KIR3DL2: variants seen among roughly 807,000 people sequenced by gnomAD.
KIR3DL2 encodes killer cell immunoglobulin like receptor, three Ig domains and long cytoplasmic tail 2, also known as killer cell immunoglobulin-like receptor 3DL2.
A neutral mutation model predicts 41.6 loss-of-function variants in KIR3DL2; 42 were observed. That is an observed-to-expected ratio of 1.01 (90% CI 0.79 to 1.31). The LOEUF (loss-of-function observed/expected upper bound fraction) is 1.31, where lower values mean the gene tolerates loss of function less well. Ranked by LOEUF, KIR3DL2 falls within the 50% of genes most tolerant of loss-of-function variation. The pLI is 0.00. For missense variants in KIR3DL2, 728 were observed against 576.8 expected (o/e 1.26, Z -2.68); for synonymous variants, 230 against 221.3 (o/e 1.04, Z -0.35).
chr19:54,860,759 T>C (rs1398530756), intron 6 of KIR3DL2, among the ~76,000 whole-genome samples: 3 of 143,604 alleles, frequency 2.1e-5, no homozygotes, highest in Non-Finnish European at 4.6e-5. Context: ...TTTGTGACAT[T>C]AATGAAAAAC....
intron 3 of KIR3DL2, among the ~76,000 whole-genome samples, chr19:54,852,500 G>T (rs1197709414): frequency 6.6e-6 from 1 of 151,672 alleles, no homozygotes; most frequent in African/African-American, 2.4e-5. Flanking sequence ...TTATGTTATA[G>T]GGCAGGGGAC....
chr19:54,854,489 T>C (rs1269479877), intron 4 of KIR3DL2, among the ~76,000 whole-genome samples: 1 of 151,790 alleles, frequency 6.6e-6, no homozygotes, highest in Non-Finnish European at 1.5e-5. Context: ...ACAGATGCCA[T>C]GTTTATTCTG....
intron 6 of KIR3DL2, among the ~76,000 whole-genome samples, chr19:54,864,971 T>C (rs1359704820): frequency 6.6e-6 from 1 of 152,122 alleles, no homozygotes; most frequent in Admixed American, 6.5e-5. Flanking sequence ...TTTTGCCCAT[T>C]CAGTATGATA....
At chr19:54,856,528 AG>A (rs2064792870) in intron 5 of KIR3DL2, among the ~76,000 whole-genome samples, 1 of 151,612 alleles carries the variant, frequency 6.6e-6, no homozygotes, top group Non-Finnish European at 1.5e-5. Flanking sequence ...TAAACAGACA[AG>A]AAAAATTAGC....
chr19:54,853,884 T>C lies in KIR3DL2; in HGVS notation c.493T>C (p.Ser165Pro). Residue 165 changes from serine (S) to proline (P), a missense_variant, in exon 4 of 9, where the codon TCA (serine) becomes CCA (proline). Ser to Pro is a moderately conservative substitution (Grantham distance 74). Transcript: ENST00000326321. ...LHREGISEDP[S>P]RLVGQIHDGV... ...CAGAGAGGGGATCTCTGAGGACCCC[T>C]CACGCCTCGTTGGACAGATCCATGA... The C allele has an allele frequency of 6.2e-7, 1 of 1,613,324 alleles. No individual in the cohort carries two copies. Among genetic ancestry groups the C allele is most frequent in the Non-Finnish European group, 8.5e-7 (1 of 1,179,780 alleles).
chr19:54,851,312 A>G, intron 2 of KIR3DL2, 57 bp downstream of exon 2: 1 of 1,569,788 alleles, frequency 6.4e-7, no homozygotes, highest in Non-Finnish European at 8.7e-7. Flanking sequence ...GATTTTTCTG[A>G]AACAGGAGGG....
chr19:54,852,644 G>C (rs913006335), intron 3 of KIR3DL2, among the ~76,000 whole-genome samples: 1 of 151,034 alleles, frequency 6.6e-6, no homozygotes, highest in African/African-American at 2.5e-5. Context: ...GTGGGGATTA[G>C]AGCAGTGTAG....
chr19:54,853,218 G>C (rs1334565292), intron 3 of KIR3DL2, among the ~76,000 whole-genome samples: 1 of 151,702 alleles, frequency 6.6e-6, no homozygotes, highest in Non-Finnish European at 1.5e-5. Flanking sequence ...CATCCACATA[G>C]GAAGGGGTTG....
In KIR3DL2 at chr19:54,852,062, G is replaced by A. The variant is rs1348787636; in HGVS notation, c.135G>A (p.Val45=). Reference sequence around the variant, plus strand: ...CTGTGGTGCCTCGAGGAGGACACGTGGCTCTTCAGTGTCACTATCGTCGTG... The same window carrying A: ...CTGTGGTGCCTCGAGGAGGACACGTAGCTCTTCAGTGTCACTATCGTCGTG... ...PSTVVPRGGH[V]ALQCHYRRGF... Residue 45 remains valine (V), a synonymous_variant, in exon 3 of 9, where the codon GTG becomes GTA. Coordinates refer to ENST00000326321, the MANE Select transcript of KIR3DL2 (RefSeq NM_006737.4). 1.9e-6 allele frequency: 3 copies of A among 1,612,338 alleles called. No individual in the cohort carries two copies. In the African/African-American group the frequency reaches 4.0e-5, roughly 22 times the overall value.
chr19:54,866,560 A>C lies in KIR3DL2; in HGVS notation c.1197A>C (p.Ala399=). The change falls in exon 9 of 9, where the codon GCA becomes GCC. Residue 399 remains alanine (A), a synonymous_variant. Coordinates refer to ENST00000326321, the MANE Select transcript of KIR3DL2 (RefSeq NM_006737.4). ...AAGACCCTCAGGAGGTGACGTACGC[A>C]CAGTTGGATCACTGCGTTTTCATAC... ...DEQDPQEVTY[A]QLDHCVFIQR... is the part of the protein sequence containing the mutation. 1.2e-6 allele frequency: 2 copies of C among 1,614,014 alleles called. No individual in the cohort carries two copies. Among genetic ancestry groups the C allele is most frequent in the South Asian group, 1.1e-5 (1 of 91,086 alleles).
chr19:54,860,379 CT>C (rs2065085651), intron 6 of KIR3DL2, among the ~76,000 whole-genome samples: 1 of 151,890 alleles, frequency 6.6e-6, no homozygotes, highest in Admixed American at 6.6e-5. Context: ...TATTTACCTA[CT>C]TGTTTATTGA....
chr19:54,855,673 G>A lies in KIR3DL2; in HGVS notation c.710G>A (p.Gly237Glu). ...SAQPGPTVQA[G>E]ENVTLSCSSW... ...CAGCCGGGCCCCACGGTTCAGGCAGGAGAGAACGTGACCTTGTCCTGTAGC... is the reference window on the plus strand; with the variant it reads ...CAGCCGGGCCCCACGGTTCAGGCAGAAGAGAACGTGACCTTGTCCTGTAGC... Residue 237 changes from glycine (G) to glutamate (E), a missense_variant, in exon 5 of 9, where the codon GGA becomes GAA. By Grantham distance (98) the Gly-to-Glu change is moderately conservative. Coordinates refer to ENST00000326321, the MANE Select transcript of KIR3DL2 (RefSeq NM_006737.4). 11 of 1,613,538 alleles carry A rather than the reference G, an allele frequency of 6.8e-6. No homozygotes were observed. Among genetic ancestry groups the A allele is most frequent in the Non-Finnish European group, 9.3e-6 (11 of 1,179,974 alleles).
At chr19:54,852,366 T>A (rs1267059875) in intron 3 of KIR3DL2, 84 bp downstream of exon 3, 2 of 1,551,710 alleles carry the variant, frequency 1.3e-6, no homozygotes, top group African/African-American at 1.4e-5. Flanking sequence ...CAGGGTCCCA[T>A]CACCCAGGCC....
chr19:54,861,843 C>A (rs1261559447), intron 6 of KIR3DL2, among the ~76,000 whole-genome samples: 1 of 151,468 alleles, frequency 6.6e-6, no homozygotes, highest in Non-Finnish European at 1.5e-5. Flanking sequence ...AATATGAAAG[C>A]CCCCTGAACC....
intron 5 of KIR3DL2, among the ~76,000 whole-genome samples, chr19:54,856,206 G>C (rs1408704164): frequency 6.6e-6 from 1 of 151,468 alleles, no homozygotes; most frequent in African/African-American, 2.4e-5. Context: ...GGTTCCCTCA[G>C]CCCCTCAACC....
chr19:54,862,501 G>C (rs190948911), intron 6 of KIR3DL2, among the ~76,000 whole-genome samples: 2 of 152,012 alleles, frequency 1.3e-5, no homozygotes. Context: ...GATAAGCAGC[G>C]AGTGACAACA....
Position 54,851,217 on chromosome 19 carries a change from C to T in KIR3DL2, c.35-3C>T, listed in dbSNP as rs1010128315. ...GATCGTCTATCATGATCTTTCTTTCCAGGGTTCTTCTTGCTGCAGGGGGCC... is the reference window on the plus strand; with the variant it reads ...GATCGTCTATCATGATCTTTCTTTCTAGGGTTCTTCTTGCTGCAGGGGGCC... On this transcript the variant is annotated splice_region_variant and splice_polypyrimidine_tract_variant and intron_variant, in intron 1 of 8. Coordinates refer to ENST00000326321, the MANE Select transcript of KIR3DL2 (RefSeq NM_006737.4). The T allele has an allele frequency of 1.2e-6, 2 of 1,610,340 alleles. No individual in the cohort carries two copies. Among genetic ancestry groups the T allele is most frequent in the Non-Finnish European group, 1.7e-6 (2 of 1,178,522 alleles).
At chr19:54,859,248 C>T in intron 6 of KIR3DL2, 119 bp downstream of exon 6, 1 of 979,294 alleles carries the variant, frequency 1.0e-6, no homozygotes, top group Non-Finnish European at 1.6e-6. Context: ...TCCACCATCT[C>T]TGAACTCCAG....
rs372086523 is a variant in KIR3DL2 at position 54,852,208 on chromosome 19, G to A, written c.281G>A (p.Arg94Lys). ...ACCCCAGCACATGCAGGGACCTACA[G>A]ATGTCGGGGTTCACGCCCACACTCC... ...PVTPAHAGTY[R>K]CRGSRPHSLT... is the part of the protein sequence containing the mutation. The change falls in exon 3 of 9, where the codon AGA (arginine) becomes AAA (lysine). Residue 94 changes from arginine to lysine, a missense_variant. Arg to Lys is a conservative substitution (Grantham distance 26, BLOSUM62 2). Transcript: ENST00000326321. 11 of 1,611,954 alleles carry A rather than the reference G, an allele frequency of 6.8e-6. No individual in the cohort carries two copies. The highest frequency in any genetic ancestry group is 6.8e-6 in the Non-Finnish European group (8 of 1,179,128).
Sources: allele counts gnomAD v4.1 joint callset (sites outside exome capture counted in the v4.1 genomes callset), GRCh38; gene constraint gnomAD v4.1.1; transcripts MANE v1.5; gene names NCBI Gene and HGNC (gene_info 2026-07-23, HGNC 2026-07-21).